DNAH11: variants seen among roughly 807,000 people sequenced by gnomAD.
DNAH11 encodes dynein axonemal heavy chain 11.
Under a neutral mutation model 526.0 loss-of-function variants are expected in DNAH11, and 442 were observed. That is an observed-to-expected ratio of 0.84 (90% CI 0.78 to 0.91). The LOEUF (loss-of-function observed/expected upper bound fraction) is 0.91, where lower values mean the gene tolerates loss of function less well. Among genes scored for constraint, DNAH11 ranks in the 40% least tolerant of loss-of-function variants. The pLI is 0.00. For missense variants in DNAH11, 6,989 were observed against 5,448.7 expected (o/e 1.28, Z -8.90); for synonymous variants, 2,461 against 1,935.9 (o/e 1.27, Z -7.12).
chr7:21,796,902 T>C (rs1316719405), intron 61 of DNAH11, among the ~76,000 whole-genome samples: 1 of 152,016 alleles, frequency 6.6e-6, no homozygotes, highest in Non-Finnish European at 1.5e-5. Flanking sequence ...TATTTTTTTA[T>C]TTTATTTTTT....
At chr7:21,775,804 A>T (rs2127980513) in intron 56 of DNAH11, among the ~76,000 whole-genome samples, 1 of 152,182 alleles carries the variant, frequency 6.6e-6, no homozygotes, top group East Asian at 1.9e-4. Context: ...AAGACGAGGA[A>T]GGAGCTCTGT....
intron 36 of DNAH11, among the ~76,000 whole-genome samples, chr7:21,700,107 G>A (rs181228750): frequency 6.6e-6 from 1 of 152,314 alleles, no homozygotes; most frequent in African/African-American, 2.4e-5. Context: ...TGAGAAAACT[G>A]AGCAAAACAA....
At chr7:21,704,931 C>T (rs1333173641) in intron 38 of DNAH11, among the ~76,000 whole-genome samples, 1 of 152,094 alleles carries the variant, frequency 6.6e-6, no homozygotes, top group Non-Finnish European at 1.5e-5. Context: ...TTTGTTCTTT[C>T]CTCCTTTTTA....
chr7:21,646,600 T>C (rs549844129), intron 28 of DNAH11, among the ~76,000 whole-genome samples: 4 of 152,166 alleles, frequency 2.6e-5, no homozygotes, highest in Admixed American at 2.6e-4. Context: ...GCACTACATG[T>C]GAGGAAACTA....
chr7:21,609,885 G>A (rs1204007012), intron 20 of DNAH11, among the ~76,000 whole-genome samples: 1 of 152,184 alleles, frequency 6.6e-6, no homozygotes, highest in East Asian at 1.9e-4. Context: ...GAGTGGGCTA[G>A]GGAAGGTCTG....
intron 61 of DNAH11, among the ~76,000 whole-genome samples, chr7:21,795,123 C>T (rs1342654077): frequency 6.6e-6 from 1 of 152,062 alleles, no homozygotes; most frequent in African/African-American, 2.4e-5. Context: ...GGTGACATCC[C>T]TTTGTGTTCT....
chr7:21,765,610 TCACACACACACACACACACACACACACA>T (rs3219983), intron 55 of DNAH11, 21 bp downstream of exon 55: 12 of 956,362 alleles, frequency 1.3e-5, no homozygotes, highest in African/African-American at 1.1e-4. Flanking sequence ...TCAGCCTGCG[TCACACACACACACACACACACACACACA>T]CACACACACA....
At chr7:21,780,204 T>C (rs1011153779) in intron 57 of DNAH11, among the ~76,000 whole-genome samples, 9 of 152,114 alleles carry the variant, frequency 5.9e-5, no homozygotes, top group Middle Eastern at 3.2e-3. Context: ...AATTCCTAAT[T>C]TGGGTTGTAA....
intron 66 of DNAH11, among the ~76,000 whole-genome samples, chr7:21,848,635 C>G (rs1017825522): frequency 1.3e-5 from 2 of 152,002 alleles, no homozygotes; most frequent in Non-Finnish European, 2.9e-5. Flanking sequence ...CTCTCTCTCT[C>G]TGTATATATA....
At chr7:21,776,060 CTG>C (rs1273774703) in intron 56 of DNAH11, among the ~76,000 whole-genome samples, 1 of 152,166 alleles carries the variant, frequency 6.6e-6, no homozygotes, top group Non-Finnish European at 1.5e-5. Flanking sequence ...AGGAGAGAGA[CTG>C]TGATTTCTTA....
chr7:21,869,086 C>T (rs966894627), intron 73 of DNAH11, 95 bp downstream of exon 73: 1 of 1,533,394 alleles, frequency 6.5e-7, no homozygotes, highest in Non-Finnish European at 8.8e-7. Context: ...CTTAACACCG[C>T]TGTGCATGGC....
At chr7:21,725,618 A>G (rs777849215) in intron 44 of DNAH11, among the ~76,000 whole-genome samples, 193 bp from the exon 45 acceptor site, 2 of 152,226 alleles carry the variant, frequency 1.3e-5, no homozygotes, top group Admixed American at 6.5e-5. Context: ...AGATTGAATA[A>G]CGAACAGGTA....
chr7:21,792,906 TA>T (rs1333096168), intron 61 of DNAH11, among the ~76,000 whole-genome samples: 1 of 152,188 alleles, frequency 6.6e-6, no homozygotes, highest in Non-Finnish European at 1.5e-5. Context: ...TATTTCCTTC[TA>T]AAAATTTTGG....
At chr7:21,875,114 T>TAC (rs1031114239) in intron 74 of DNAH11, among the ~76,000 whole-genome samples, 2 of 152,222 alleles carry the variant, frequency 1.3e-5, no homozygotes, top group African/African-American at 2.4e-5. Context: ...ATCCTATATA[T>TAC]ACACACAAGA....
chr7:21,822,941 T>A (rs1790115095), intron 65 of DNAH11, among the ~76,000 whole-genome samples: 1 of 145,452 alleles, frequency 6.9e-6, no homozygotes, highest in South Asian at 2.2e-4. Context: ...TACCCATTTT[T>A]AAATCAGATT....
intron 25 of DNAH11, among the ~76,000 whole-genome samples, chr7:21,635,141 A>AGTTTGTTT (rs56996600): frequency 4.7e-4 from 71 of 151,218 alleles, no homozygotes; most frequent in African/African-American, 1.0e-3. Context: ...GGTGGGGGGC[A>AGTTTGTTT]GTTTGTTTGT....
intron 30 of DNAH11, among the ~76,000 whole-genome samples, chr7:21,679,740 G>A (rs1039979986): frequency 6.6e-6 from 1 of 152,196 alleles, no homozygotes; most frequent in Admixed American, 6.5e-5. Flanking sequence ...GAGGGTCTTT[G>A]TGATGAATCT....
intron 18 of DNAH11, among the ~76,000 whole-genome samples, chr7:21,606,073 C>G (rs1448213789): frequency 6.6e-6 from 1 of 152,100 alleles, no homozygotes; most frequent in Non-Finnish European, 1.5e-5. Flanking sequence ...CCTGTAATCC[C>G]AGCACTTTGG....
Position 21,543,132 on chromosome 7 carries a change from G to A in DNAH11, c.-114G>A. 1 of 1,433,308 alleles carries A rather than the reference G, an allele frequency of 7.0e-7. No individual in the cohort carries two copies. Among genetic ancestry groups the A allele is most frequent in the Non-Finnish European group, 9.1e-7 (1 of 1,100,906 alleles). 88.8% of individuals were successfully genotyped at this position (1,433,308 alleles called of 1,614,324 possible). A position where few individuals can be genotyped will look rare whatever the true frequency, so the allele number is the denominator to read the frequency against. ...AGGTGGGAGACTAGGGTCTGCGCTCGCGGCGACCGCGGAGGAGGGTGGGCG... is the reference window on the plus strand; with the variant it reads ...AGGTGGGAGACTAGGGTCTGCGCTCACGGCGACCGCGGAGGAGGGTGGGCG... On this transcript the variant is annotated 5_prime_UTR_variant, in exon 1 of 82. Transcript: ENST00000409508.
Sources: gnomAD v4.1 joint callset for allele counts (sites outside exome capture counted in the v4.1 genomes callset) on GRCh38, gnomAD v4.1.1 for gene constraint, MANE v1.5 for transcripts, NCBI Gene and HGNC (gene_info 2026-07-23, HGNC 2026-07-21) for gene names.